GULP1: variants seen among roughly 807,000 people sequenced by gnomAD.
GULP1 encodes the protein PTB domain-containing engulfment adapter protein 1.
Under a neutral mutation model 40.9 loss-of-function variants are expected in GULP1, and 19 were observed. The observed-to-expected ratio is 0.46, with a 90% CI of 0.32 to 0.68. GULP1 has a LOEUF of 0.68. Ranked by LOEUF, GULP1 falls within the 30% of genes least tolerant of loss-of-function variation. GULP1 has a pLI of 0.03. For missense variants in GULP1, 312 were observed against 362.2 expected, an observed-to-expected ratio of 0.86 and a Z score of 1.12; for synonymous variants, 119 against 117.6, an observed-to-expected ratio of 1.01 and a Z score of -0.08.
At chr2:188,342,533 C>T (rs1192476148) in intron 1 of GULP1, among the ~76,000 whole-genome samples, 1 of 151,984 alleles carries the variant, frequency 6.6e-6, no homozygotes, top group South Asian at 2.1e-4. Context: ...TCACAGATAC[C>T]GGGGGTTAGG....
intron 5 of GULP1, 95 bp downstream of exon 5, chr2:188,522,922 G>A: frequency 1.3e-6 from 1 of 754,068 alleles, no homozygotes; most frequent in African/African-American, 1.7e-5. Flanking sequence ...CTTTGCTGCA[G>A]GTATAGCTTC....
chr2:188,387,805 A>G (rs1052384189), intron 2 of GULP1, among the ~76,000 whole-genome samples: 2 of 152,150 alleles, frequency 1.3e-5, no homozygotes, highest in Non-Finnish European at 2.9e-5. Context: ...TTTGTGTCTC[A>G]TTATTATATG....
chr2:188,576,672 C>G (rs1700234481), intron 9 of GULP1, among the ~76,000 whole-genome samples: 1 of 152,044 alleles, frequency 6.6e-6, no homozygotes, highest in Non-Finnish European at 1.5e-5. Flanking sequence ...TTCAATTGTA[C>G]CTATATTACA....
At position 188,292,525 on chromosome 2, in the gene GULP1, G is replaced by A. The variant is rs763735985; in HGVS notation, c.-172+359G>A. 1.3e-5 allele frequency among the ~76,000 whole-genome samples: 2 copies of A among 152,158 alleles called. No individual in the cohort carries two copies. The highest frequency in any genetic ancestry group is 6.5e-5 in the Admixed American group (1 of 15,286). On this transcript the variant is annotated intron_variant, in intron 1 of 11. Transcript: ENST00000409830. The surrounding 1 kb of genome is among the most constrained non-coding windows in gnomAD (Gnocchi z 4.0). ...TGGTAACTTTGGTCCGGCGGCGGGG[G>A]GCCGGTGAGCAGGAACTGGAGGGAG... is the stretch of plus-strand genomic sequence containing the variant.
chr2:188,327,989 G>C (rs1480533337), intron 1 of GULP1, among the ~76,000 whole-genome samples: 1 of 152,070 alleles, frequency 6.6e-6, no homozygotes, highest in Non-Finnish European at 1.5e-5. Flanking sequence ...TGCCCAGAGT[G>C]ATGAGTAAAA....
At chr2:188,440,084 A>G (rs986108316) in intron 2 of GULP1, among the ~76,000 whole-genome samples, 1 of 152,178 alleles carries the variant, frequency 6.6e-6, no homozygotes, top group Admixed American at 6.5e-5. Flanking sequence ...CAAAATGCAT[A>G]TACTGGAGAT....
chr2:188,328,290 C>T (rs1302422176), intron 1 of GULP1, among the ~76,000 whole-genome samples: 1 of 152,050 alleles, frequency 6.6e-6, no homozygotes, highest in Non-Finnish European at 1.5e-5. Flanking sequence ...TTCTCTCAAC[C>T]TTGTTTATTC....
intron 1 of GULP1, among the ~76,000 whole-genome samples, chr2:188,368,054 T>C (rs2047037451): frequency 6.6e-6 from 1 of 152,146 alleles, no homozygotes; most frequent in Admixed American, 6.5e-5. Flanking sequence ...CTTCTTTCAA[T>C]CTTCTCTTTC....
chr2:188,347,197 T>C (rs1379878234), intron 1 of GULP1, among the ~76,000 whole-genome samples: 1 of 152,176 alleles, frequency 6.6e-6, no homozygotes, highest in African/African-American at 2.4e-5. Context: ...AGAAATTTAC[T>C]CTATGCTGTA....
intron 1 of GULP1, among the ~76,000 whole-genome samples, chr2:188,349,690 C>T (rs1470671239): frequency 6.6e-6 from 1 of 152,038 alleles, no homozygotes; most frequent in East Asian, 1.9e-4. Context: ...TCCTGTGAAA[C>T]AAAACTTTTA....
chr2:188,591,716 T>C (rs1315180443), intron 11 of GULP1: 3 of 151,704 alleles, frequency 2.0e-5, no homozygotes, highest in Middle Eastern at 3.5e-3. Flanking sequence ...TAAATATATA[T>C]TCATATTATC....
chr2:188,546,728 G>A (rs11679949), intron 7 of GULP1, among the ~76,000 whole-genome samples: 5,170 of 151,986 alleles, frequency 0.034, 144 homozygotes, highest in African/African-American at 0.08. Flanking sequence ...AGAAATTGGT[G>A]AAGTGGAAAA....
chr2:188,295,079 T>C (rs2034628249), intron 1 of GULP1, among the ~76,000 whole-genome samples: 1 of 152,188 alleles, frequency 6.6e-6, no homozygotes, highest in Admixed American at 6.5e-5. Flanking sequence ...AGCACATTCA[T>C]TTATTTTTAT....
At chr2:188,435,867 A>G (rs1559238129) in intron 2 of GULP1, among the ~76,000 whole-genome samples, 2 of 152,108 alleles carry the variant, frequency 1.3e-5, no homozygotes, top group Admixed American at 1.3e-4. Flanking sequence ...AGTTCTTAAC[A>G]TGGCTCTTTC....
intron 2 of GULP1, among the ~76,000 whole-genome samples, chr2:188,431,175 A>G (rs1315319525): frequency 2.0e-5 from 3 of 152,184 alleles, no homozygotes; most frequent in African/African-American, 4.8e-5. Flanking sequence ...GCTGCTAAAC[A>G]TATTAAGAAA....
intron 2 of GULP1, among the ~76,000 whole-genome samples, chr2:188,421,698 GA>G (rs1320202773): frequency 1.3e-5 from 2 of 152,166 alleles, no homozygotes; most frequent in African/African-American, 4.8e-5. Context: ...TATATAGATA[GA>G]TTTATAGAGA....
chr2:188,335,233 A>G (rs1273637141), intron 1 of GULP1, among the ~76,000 whole-genome samples: 1 of 152,138 alleles, frequency 6.6e-6, no homozygotes. Flanking sequence ...GAGTAAATTA[A>G]TTATTTATAA....
At chr2:188,486,882 G>A (rs1225331520) in intron 4 of GULP1, among the ~76,000 whole-genome samples, 1 of 151,854 alleles carries the variant, frequency 6.6e-6, no homozygotes, top group African/African-American at 2.4e-5. Context: ...ATGAAATCAG[G>A]TAGTAGGTCA....
chr2:188,550,765 A>G (rs914982339), intron 7 of GULP1, among the ~76,000 whole-genome samples: 1 of 151,610 alleles, frequency 6.6e-6, no homozygotes, highest in African/African-American at 2.4e-5. Flanking sequence ...TGTGTTAATA[A>G]TTTTTGAATC....
Sources: allele counts gnomAD v4.1 joint callset (sites outside exome capture counted in the v4.1 genomes callset), GRCh38; gene constraint gnomAD v4.1.1; non-coding constraint Gnocchi (gnomAD v3.1); transcripts MANE v1.5; gene names NCBI Gene and HGNC (gene_info 2026-07-23, HGNC 2026-07-21).